Variants in CLIC5 observed in about 807,000 individuals in gnomAD.
The protein encoded by CLIC5 is CLIC family member 5.
CLIC5 carries 20 observed loss-of-function variants against 24.7 expected under a neutral mutation model. That is an observed-to-expected ratio of 0.81 (90% CI 0.57 to 1.18). CLIC5 has a LOEUF of 1.18. CLIC5 is among the 50% of genes most tolerant of loss of function. The probability of loss-of-function intolerance (pLI) is 0.00; values close to 1 mark genes in which losing one functional copy is unlikely to be tolerated. For synonymous variants in CLIC5, 159 were observed against 135.6 expected, an observed-to-expected ratio of 1.17 and a Z score of -1.20; for missense variants, 341 against 326.1, an observed-to-expected ratio of 1.05 and a Z score of -0.35.
chr6:45,960,372 T>A (rs1268045764), intron 1 of CLIC5, among the ~76,000 whole-genome samples: 1 of 152,200 alleles, frequency 6.6e-6, no homozygotes, highest in Admixed American at 6.5e-5. Context: ...CTTGAATATA[T>A]GCTCTGTGAG....
At chr6:45,955,088 C>T (rs1764598351) in intron 2 of CLIC5, 47 bp downstream of exon 2, 2 of 1,423,960 alleles carry the variant, frequency 1.4e-6, no homozygotes, top group Non-Finnish European at 9.9e-7. Context: ...GGAAGGTTCT[C>T]TGTTCATGCA....
intron 4 of CLIC5, among the ~76,000 whole-genome samples, chr6:45,933,240 G>C (rs915007551): frequency 1.3e-5 from 2 of 152,206 alleles, no homozygotes; most frequent in African/African-American, 4.8e-5. Context: ...TTGGGAACCA[G>C]GAGGTGGTGG....
At chr6:46,066,958 T>A (rs562975093) in intron 1 of CLIC5, among the ~76,000 whole-genome samples, 6 of 152,054 alleles carry the variant, frequency 3.9e-5, no homozygotes, top group African/African-American at 1.2e-4. Context: ...GTGAGTGAGG[T>A]AGAGCATGGT....
At chr6:45,936,498 C>T (rs531757560) in intron 4 of CLIC5, among the ~76,000 whole-genome samples, 36 of 152,232 alleles carry the variant, frequency 2.4e-4, no homozygotes, top group Middle Eastern at 3.4e-3. Context: ...AGACACCATG[C>T]CTGGCCCCAG....
At chr6:45,968,103 C>T (rs181003814) in intron 1 of CLIC5, among the ~76,000 whole-genome samples, 2 of 152,280 alleles carry the variant, frequency 1.3e-5, no homozygotes, top group East Asian at 1.9e-4. Context: ...CTGAGGACCC[C>T]AGCCTAGTCA....
At chr6:45,917,521 CCTTA>C (rs1763077814) in intron 4 of CLIC5, among the ~76,000 whole-genome samples, 3 of 152,100 alleles carry the variant, frequency 2.0e-5, no homozygotes, top group African/African-American at 7.2e-5. Context: ...GATTTGCTTC[CCTTA>C]CTTATTTAGT....
At chr6:46,085,549 T>C in the CLIC5 span, among the ~76,000 whole-genome samples, 1 of 152,160 alleles carries the variant, frequency 6.6e-6, no homozygotes, top group Non-Finnish European at 1.5e-5. Flanking sequence ...CTCCAGACCC[T>C]GTTTGCCTGG....
intron 1 of CLIC5, among the ~76,000 whole-genome samples, chr6:46,021,479 A>T (rs918555429): frequency 2.6e-5 from 4 of 151,818 alleles, no homozygotes; most frequent in African/African-American, 4.8e-5. Context: ...TGGTACATAA[A>T]TTTTTTTTTA....
intron 4 of CLIC5, among the ~76,000 whole-genome samples, chr6:45,925,407 C>A (rs1341637197): frequency 6.6e-6 from 1 of 151,568 alleles, no homozygotes; most frequent in African/African-American, 2.4e-5. Flanking sequence ...AACTCCATCT[C>A]CCTGGCTCAA....
At chr6:46,084,501 TGTAAA>T (rs1219680065), upstream of CLIC5, among the ~76,000 whole-genome samples, 5 of 152,336 alleles carry the variant, frequency 3.3e-5, no homozygotes, top group African/African-American at 1.2e-4. Context: ...TTTGCTTGTC[TGTAAA>T]GTATTTTATT....
At chr6:46,029,952 A>G (rs1322607713) in intron 1 of CLIC5, among the ~76,000 whole-genome samples, 1 of 152,146 alleles carries the variant, frequency 6.6e-6, no homozygotes, top group Non-Finnish European at 1.5e-5. Flanking sequence ...GGGCCCTCAA[A>G]GGGAAATGAA....
chr6:46,069,554 T>C (rs920349668), intron 1 of CLIC5, among the ~76,000 whole-genome samples: 2 of 151,714 alleles, frequency 1.3e-5, no homozygotes, highest in Admixed American at 6.6e-5. Context: ...CGTTCCAAAA[T>C]TGAATCGGTA....
chr6:46,087,857 A>T, the CLIC5 span, among the ~76,000 whole-genome samples: 1 of 152,140 alleles, frequency 6.6e-6, no homozygotes, highest in Non-Finnish European at 1.5e-5. Flanking sequence ...TTTCGAAGGA[A>T]CTGGTGTTAA....
chr6:45,890,505 G>C (rs919023270), intron 6 of CLIC5, among the ~76,000 whole-genome samples: 2 of 152,120 alleles, frequency 1.3e-5, no homozygotes, highest in African/African-American at 2.4e-5. Flanking sequence ...ACAGTATAGT[G>C]GTTCCTCCAA....
chr6:46,096,334 A>C, the CLIC5 span, among the ~76,000 whole-genome samples: 1 of 152,226 alleles, frequency 6.6e-6, no homozygotes, highest in Non-Finnish European at 1.5e-5. Context: ...CAAACTGAGA[A>C]TATCCCAGGA....
chr6:45,938,609 G>A (rs2127362422), intron 4 of CLIC5, among the ~76,000 whole-genome samples: 1 of 152,286 alleles, frequency 6.6e-6, no homozygotes, highest in Admixed American at 6.5e-5. Flanking sequence ...AAAACAGGGT[G>A]AAACAGAAGA....
chr6:45,953,545 G>A (rs1197531192), intron 2 of CLIC5, among the ~76,000 whole-genome samples: 8 of 152,148 alleles, frequency 5.3e-5, no homozygotes, highest in Non-Finnish European at 1.2e-4. Flanking sequence ...ACAGCAGAAG[G>A]CAGGCCAGCC....
At chr6:45,905,968 G>T (rs1762648902) in intron 5 of CLIC5, among the ~76,000 whole-genome samples, 1 of 152,182 alleles carries the variant, frequency 6.6e-6, no homozygotes, top group African/African-American at 2.4e-5. Context: ...TGAATAGGAA[G>T]TCATTTCCCC....
chr6:45,903,325 C>A (rs1465824124), intron 5 of CLIC5, 70 bp from the exon 6 acceptor site: 5 of 1,440,324 alleles, frequency 3.5e-6, no homozygotes, highest in Non-Finnish European at 3.7e-6. Context: ...TGTTAGTGGC[C>A]GTCCCAGTGT....
Sources: gnomAD v4.1 joint callset for allele counts (sites outside exome capture counted in the v4.1 genomes callset) on GRCh38, gnomAD v4.1.1 for gene constraint, MANE v1.5 for transcripts, NCBI Gene and HGNC (gene_info 2026-07-23, HGNC 2026-07-21) for gene names.